SLC6A2: variants seen among roughly 807,000 people sequenced by gnomAD.
SLC6A2 encodes solute carrier family 6 member 2.
Under a neutral mutation model 71.7 loss-of-function variants are expected in SLC6A2, and 26 were observed. The observed-to-expected ratio is 0.36, with a 90% CI of 0.27 to 0.50. The LOEUF (loss-of-function observed/expected upper bound fraction) is 0.50, where lower values mean the gene tolerates loss of function less well. Ranked by LOEUF, SLC6A2 falls within the 20% of genes least tolerant of loss-of-function variation. The pLI, the probability that SLC6A2 is intolerant of heterozygous loss-of-function variation, is 0.96. For synonymous variants in SLC6A2, 363 were observed against 337.9 expected (o/e 1.07, Z -0.82); for missense variants, 581 against 803.9 (o/e 0.72, Z 3.35).
chr16:55,681,706 T>C (rs1254177390), intron 4 of SLC6A2, among the ~76,000 whole-genome samples: 1 of 152,198 alleles, frequency 6.6e-6, no homozygotes, highest in Non-Finnish European at 1.5e-5. Context: ...ATGTTTTCCT[T>C]ACAAGCCTGG....
intron 9 of SLC6A2, among the ~76,000 whole-genome samples, chr16:55,696,608 G>A (rs1022537792): frequency 6.6e-6 from 1 of 152,216 alleles, no homozygotes; most frequent in African/African-American, 2.4e-5. Flanking sequence ...CTGTCCTCTT[G>A]CAGGTGGGGA....
rs149350009 is a variant in SLC6A2, at chr16:55,699,634, G to T, written c.1570G>T (p.Val524Phe). 6.2e-7 allele frequency: 1 copy of T among 1,613,544 alleles called. No individual in the cohort carries two copies. The highest frequency in any genetic ancestry group is 1.1e-5 in the South Asian group (1 of 91,070). Reference protein sequence around the residue: ...GLYWRLCWKFVSPAFLLFVVV... With the variant: ...GLYWRLCWKFFSPAFLLFVVV... Reference sequence around the variant, plus strand: ...ATACTGGAGACTGTGCTGGAAGTTCGTCAGTCCTGCCTTCCTCCTGGTGTG... The same window carrying T: ...ATACTGGAGACTGTGCTGGAAGTTCTTCAGTCCTGCCTTCCTCCTGGTGTG... The change falls in exon 12 of 15, where the codon GTC becomes TTC. Residue 524 changes from valine to phenylalanine, a missense_variant. By Grantham distance (50) the Val-to-Phe change is conservative. This residue lies in a region of SLC6A2 where 334 missense variants were observed against 449.0 expected (regional missense o/e 0.74). Coordinates refer to ENST00000568943, the MANE Select transcript of SLC6A2 (RefSeq NM_001172501.3).
chr16:55,690,302 C>G (rs1965576314), intron 5 of SLC6A2, among the ~76,000 whole-genome samples: 1 of 152,178 alleles, frequency 6.6e-6, no homozygotes, highest in Admixed American at 6.5e-5. Flanking sequence ...CTAAGGAGCT[C>G]ATGATCTAGT....
At chr16:55,681,065 A>G (rs1348782324) in intron 4 of SLC6A2, among the ~76,000 whole-genome samples, 1 of 152,092 alleles carries the variant, frequency 6.6e-6, no homozygotes, top group African/African-American at 2.4e-5. Flanking sequence ...TGCCACCTTC[A>G]CAGCGGAGTC....
chr16:55,664,678 A>G (rs1167366489), intron 2 of SLC6A2, among the ~76,000 whole-genome samples: 2 of 152,200 alleles, frequency 1.3e-5, no homozygotes, highest in Non-Finnish European at 2.9e-5. Context: ...CCAGTGACAC[A>G]GGTATTATTA....
Position 55,702,371 on chromosome 16 carries a change from C to A in SLC6A2, c.*25C>A. On this transcript the variant is annotated 3_prime_UTR_variant, in exon 15 of 15. Coordinates refer to ENST00000568943, the MANE Select transcript of SLC6A2 (RefSeq NM_001172501.3). ...AGCCTGCCTGGAGGAGAAGGAGGAA[C>A]CCCCATGCCAATGTCCAGGTCACAG... 6.2e-7 allele frequency: 1 copy of A among 1,614,168 alleles called. No homozygotes were observed. Among genetic ancestry groups the A allele is most frequent in the Non-Finnish European group, 8.5e-7 (1 of 1,180,008 alleles).
At position 55,656,817 on chromosome 16, in the gene SLC6A2, C is replaced by G; in HGVS notation, c.123C>G (p.Gly41=). 6.2e-7 allele frequency: 1 copy of G among 1,613,406 alleles called. No individual in the cohort carries two copies. Among genetic ancestry groups the G allele is most frequent in the Non-Finnish European group, 8.5e-7 (1 of 1,179,718 alleles). The change falls in exon 2 of 15, where the codon GGC becomes GGG. Residue 41 remains glycine, a synonymous_variant. Transcript: ENST00000568943. This position sits in a 1 kb window ranked among gnomAD's most constrained non-coding sequence, Gnocchi z 4.5. Reference sequence around the variant, plus strand: ...TGCTGGTGGTGAAGGAGCGCAACGGCGTCCAGTGCCTGCTGGCGCCCCGCG... The same window carrying G: ...TGCTGGTGGTGAAGGAGCGCAACGGGGTCCAGTGCCTGCTGGCGCCCCGCG... ...AELLVVKERN[G]VQCLLAPRDG...
chr16:55,699,316 C>T (rs1425136662), intron 11 of SLC6A2, among the ~76,000 whole-genome samples: 2 of 152,206 alleles, frequency 1.3e-5, no homozygotes, highest in Non-Finnish European at 1.5e-5. Flanking sequence ...CCTCTTTGAG[C>T]CCAGGTTTCC....
chr16:55,685,269 G>C lies in SLC6A2; in HGVS notation c.771G>C (p.Lys257Asn). 6.2e-7 allele frequency: 1 copy of C among 1,614,170 alleles called. No homozygotes were observed. The highest frequency in any genetic ancestry group is 1.1e-5 in the South Asian group (1 of 91,088). ...ATTTTAGCCTCTGGAAAGGGGTGAAGACATCAGGAAAGGTAATATCTCTGT... is the reference window on the plus strand; with the variant it reads ...ATTTTAGCCTCTGGAAAGGGGTGAACACATCAGGAAAGGTAATATCTCTGT... ...VLYFSLWKGV[K>N]TSGKVVWITA... Residue 257 changes from lysine to asparagine, a missense_variant, in exon 5 of 15, where the codon AAG (lysine) becomes AAC (asparagine). By Grantham distance (94) the Lys-to-Asn change is moderately conservative (BLOSUM62 0). Around this residue, in one of 5 missense-constraint regions of SLC6A2, gnomAD observed 3 missense variants for 23.1 expected, o/e 0.13. Coordinates refer to ENST00000568943, the MANE Select transcript of SLC6A2 (RefSeq NM_001172501.3).
chr16:55,668,044 C>G (rs58769766), intron 2 of SLC6A2, among the ~76,000 whole-genome samples: 7,169 of 152,246 alleles, frequency 0.047, 475 homozygotes, highest in African/African-American at 0.14. Flanking sequence ...GCTTGATACA[C>G]AGGAGATGTT....
At chr16:55,683,806 A>G (rs1255450313) in intron 4 of SLC6A2, among the ~76,000 whole-genome samples, 1 of 152,164 alleles carries the variant, frequency 6.6e-6, no homozygotes, top group Non-Finnish European at 1.5e-5. Flanking sequence ...TGAAGTCCTC[A>G]TCATGTCCTC....
At chr16:55,674,716 C>T (rs1405749644) in intron 4 of SLC6A2, among the ~76,000 whole-genome samples, 1 of 152,216 alleles carries the variant, frequency 6.6e-6, no homozygotes, top group African/African-American at 2.4e-5. Context: ...TGAGCCATTG[C>T]ACCCGGCCAC....
Position 55,698,007 on chromosome 16 carries a change from C to A in SLC6A2, c.1371C>A (p.Ala457=), listed in dbSNP as rs781684750. 3.7e-6 allele frequency: 6 copies of A among 1,614,048 alleles called. No individual in the cohort carries two copies. Among genetic ancestry groups the A allele is most frequent in the Non-Finnish European group, 5.1e-6 (6 of 1,180,032 alleles). Residue 457 remains alanine (A), a synonymous_variant, in exon 10 of 15, where the codon GCC becomes GCA. Coordinates refer to ENST00000568943, the MANE Select transcript of SLC6A2 (RefSeq NM_001172501.3). ...FGVTFSTFLL[A]LFCITKGGIY... is the part of the protein sequence containing the mutation. Reference sequence around the variant, plus strand: ...TCACCTTCAGCACTTTCCTTCTCGCCCTGTTCTGCATAACCAAGGTGAGTA... The same window carrying A: ...TCACCTTCAGCACTTTCCTTCTCGCACTGTTCTGCATAACCAAGGTGAGTA...
intron 7 of SLC6A2, among the ~76,000 whole-genome samples, chr16:55,694,714 G>A (rs1436921593): frequency 1.3e-5 from 2 of 152,326 alleles, no homozygotes; most frequent in East Asian, 3.9e-4. Context: ...GGGAGGTAAG[G>A]AAATGGGGTG....
In SLC6A2 at chr16:55,656,219, G is replaced by C. The variant is rs1964442512; in HGVS notation, c.-52+50G>C. Reference sequence around the variant, plus strand: ...AGGGCTAGGTCTGCCTGGGAGGCCCGGGCCGAGACGCGCCAGCAGAGGGCT... The same window carrying C: ...AGGGCTAGGTCTGCCTGGGAGGCCCCGGCCGAGACGCGCCAGCAGAGGGCT... On this transcript the variant is annotated intron_variant, in intron 1 of 14. Coordinates refer to ENST00000568943, the MANE Select transcript of SLC6A2 (RefSeq NM_001172501.3). This position sits in a 1 kb window ranked among gnomAD's most constrained non-coding sequence, Gnocchi z 4.5. The C allele has an allele frequency of 4.7e-6, 1 of 212,822 alleles. No homozygotes were observed. Among genetic ancestry groups the C allele is most frequent in the South Asian group, 7.5e-5 (1 of 13,350 alleles). The allele number at this position is 212,822 out of a possible 1,614,324, so 13.2% of individuals were successfully genotyped here.
At chr16:55,666,608 C>T (rs1296796265) in intron 2 of SLC6A2, among the ~76,000 whole-genome samples, 3 of 152,186 alleles carry the variant, frequency 2.0e-5, no homozygotes, top group African/African-American at 7.2e-5. Flanking sequence ...CTTTGGCTGG[C>T]CCACATCAAA....
At chr16:55,692,189 G>T in intron 6 of SLC6A2, 137 bp downstream of exon 6, 1 of 1,034,968 alleles carries the variant, frequency 9.7e-7, no homozygotes, top group East Asian at 2.5e-5. Context: ...CCCTGTCTGA[G>T]GTGCAGCTTC....
Position 55,700,317 on chromosome 16 carries a change from G to A in SLC6A2, c.1758+11G>A, listed in dbSNP as rs750740877. On this transcript the variant is annotated intron_variant, in intron 13 of 14. Coordinates refer to ENST00000568943, the MANE Select transcript of SLC6A2 (RefSeq NM_001172501.3). Reference sequence around the variant, plus strand: ...GGCTCTCTTTGGGAGGTGAGCTCTGGTCCTCCCCAGGGGAACAGGGTGGGA... The same window carrying A: ...GGCTCTCTTTGGGAGGTGAGCTCTGATCCTCCCCAGGGGAACAGGGTGGGA... 1.2e-6 allele frequency: 2 copies of A among 1,608,786 alleles called. No homozygotes were observed. Among genetic ancestry groups the A allele is most frequent in the Non-Finnish European group, 1.7e-6 (2 of 1,176,060 alleles).
In SLC6A2 at chr16:55,691,230, G is replaced by GGA. The variant is rs56308124; in HGVS notation, c.784-637_784-636dup. On this transcript the variant is annotated intron_variant, in intron 5 of 14. Transcript: ENST00000568943. ...AAAGAGAGGGGGGGAGGGGAGAGGG[G>GGA]GAGAGAGAGAGAGAGAGAGAGAGAG... 1.3e-3 allele frequency among the ~76,000 whole-genome samples: 62 copies of GGA among 46,454 alleles called. 2 individuals are homozygous for GGA. The highest frequency in any genetic ancestry group is 5.8e-3 in the African/African-American group (57 of 9,754). The allele number at this position is 46,454 out of a possible 152,430, so 30.5% of individuals were successfully genotyped here. A position where few individuals can be genotyped will look rare whatever the true frequency, so the allele number is the denominator to read the frequency against.
Sources: allele counts gnomAD v4.1 joint callset (sites outside exome capture counted in the v4.1 genomes callset), GRCh38; gene constraint gnomAD v4.1.1; regional missense constraint gnomAD v4.1.1; non-coding constraint Gnocchi (gnomAD v3.1); transcripts MANE v1.5; gene names NCBI Gene and HGNC (gene_info 2026-07-23, HGNC 2026-07-21).